GPR132: variants seen among roughly 807,000 people sequenced by gnomAD.
GPR132 encodes G protein-coupled receptor 132, also known as probable G protein-coupled receptor 132.
GPR132 carries 4 observed loss-of-function variants against 1.9 expected under a neutral mutation model. The observed-to-expected ratio is 2.13, with a 90% CI of 1.05 to 4.87. GPR132 has a LOEUF of 4.87. GPR132 is among the 30% of genes most tolerant of loss of function. GPR132 has a pLI of 0.01. For synonymous variants in GPR132, 233 were observed against 234.2 expected (o/e 0.99, Z 0.05); for missense variants, 404 against 512.5 (o/e 0.79, Z 2.04).
intron 1 of GPR132, among the ~76,000 whole-genome samples, chr14:105,061,118 C>T (rs755630227): frequency 6.6e-6 from 1 of 152,272 alleles, no homozygotes; most frequent in South Asian, 2.1e-4. Flanking sequence ...GCAGGAGGCC[C>T]GGTGGGAACA....
intron 3 of GPR132, among the ~76,000 whole-genome samples, chr14:105,053,112 T>G (rs1364669954): frequency 6.6e-6 from 1 of 150,996 alleles, no homozygotes; most frequent in African/African-American, 2.4e-5. Flanking sequence ...GCCCCATAGC[T>G]GGGCACTGCC....
At chr14:105,058,939 G>T (rs1173395371) in intron 1 of GPR132, among the ~76,000 whole-genome samples, 1 of 152,248 alleles carries the variant, frequency 6.6e-6, no homozygotes, top group Non-Finnish European at 1.5e-5. Context: ...AAGCCTGAGG[G>T]TCTCGCTCTG....
chr14:105,054,095 T>A, intron 3 of GPR132: 1 of 1,288,238 alleles, frequency 7.8e-7, no homozygotes, highest in African/African-American at 1.5e-5. Flanking sequence ...TTCTGGGCCT[T>A]CTGTGGTTAC....
At position 105,052,093 on chromosome 14, in the gene GPR132, G is replaced by T. The variant is rs755229734; in HGVS notation, c.44C>A (p.Thr15Asn). 1 of 1,567,046 alleles carries T rather than the reference G, an allele frequency of 6.4e-7. No homozygotes were observed. Among genetic ancestry groups the T allele is most frequent in the African/African-American group, 1.3e-5 (1 of 74,398 alleles). The stretch of plus-strand genomic sequence containing the variant: ...CCACGGGGCAGTGGTGGTCACTGGG[G>T]TGGCGTTTCCTGTGGGACAGAGACA... ...LLKNGYNGNA[T>N]PVTTTAPWAS... The change falls in exon 4 of 4, where the codon ACC becomes AAC. Residue 15 changes from threonine (T) to asparagine (N), a missense_variant. Physicochemically the swap from Thr to Asn is moderately conservative, Grantham distance 65. Coordinates refer to ENST00000329797, the MANE Select transcript of GPR132 (RefSeq NM_013345.4).
chr14:105,049,759 A>C lies in GPR132; in HGVS notation c.*1235T>G, dbSNP rs1382497776. ...GGTGCCACTGTTCTCCAGCCCAGGC[A>C]ACAGAGCAAGGCCCTGTCTCTAAAA... On this transcript the variant is annotated 3_prime_UTR_variant, in exon 4 of 4. Coordinates refer to ENST00000329797, the MANE Select transcript of GPR132 (RefSeq NM_013345.4). The C allele has an allele frequency of 6.6e-6, 1 of 152,298 alleles. No individual in the cohort carries two copies. The highest frequency in any genetic ancestry group is 2.4e-5 in the African/African-American group (1 of 41,440). 9.4% of individuals were successfully genotyped at this position (152,298 alleles called of 1,614,324 possible).
At position 105,059,772 on chromosome 14, in the gene GPR132, C is replaced by T. The variant is rs149775247; in HGVS notation, c.-860-2492G>A. Among the ~76,000 whole-genome samples the T allele has an allele frequency of 3.3e-5, 5 of 152,300 alleles. No homozygotes were observed. The East Asian group carries it at 9.7e-4, about 29-fold the overall frequency. On this transcript the variant is annotated intron_variant, in intron 1 of 3. Transcript: ENST00000329797. This position sits in a 1 kb window ranked among gnomAD's most constrained non-coding sequence, Gnocchi z 4.2. ...CTGAGGCTGTGTCACAGACGCGTGT[C>T]CTCAACTTTAGCAAATAAACCTCCT...
intron 1 of GPR132, among the ~76,000 whole-genome samples, chr14:105,062,422 C>T (rs1886967090): frequency 6.6e-6 from 1 of 152,240 alleles, no homozygotes; most frequent in South Asian, 2.1e-4. Flanking sequence ...AGCGTGTCAG[C>T]TCCGAGGCTG....
Position 105,050,944 on chromosome 14 carries a change from T to A in GPR132, c.*50A>T. 1 of 1,558,848 alleles carries A rather than the reference T, an allele frequency of 6.4e-7. No homozygotes were observed. The highest frequency in any genetic ancestry group is 1.1e-5 in the South Asian group (1 of 87,246). On this transcript the variant is annotated 3_prime_UTR_variant, in exon 4 of 4. Transcript: ENST00000329797. This position sits in a 1 kb window ranked among gnomAD's most constrained non-coding sequence, Gnocchi z 4.0. ...GTGGGCTCAGTGCACAGGAACCACATTGCTGGCCCCAGGACCCCCAACCTG... is the reference window on the plus strand; with the variant it reads ...GTGGGCTCAGTGCACAGGAACCACAATGCTGGCCCCAGGACCCCCAACCTG...
chr14:105,057,471 C>A, intron 1 of GPR132, 191 bp from the exon 2 acceptor site: 2 of 372,594 alleles, frequency 5.4e-6, no homozygotes, highest in African/African-American at 2.1e-5. Context: ...AGCCAACAGG[C>A]ATCAAAACGT....
chr14:105,064,420 G>A (rs947212677), intron 1 of GPR132, among the ~76,000 whole-genome samples: 1 of 151,542 alleles, frequency 6.6e-6, no homozygotes, highest in Non-Finnish European at 1.5e-5. Flanking sequence ...TGCAAGCTCC[G>A]CCTCTCAGGT....
At position 105,060,585 on chromosome 14, in the gene GPR132, G is replaced by A. The variant is rs1290709736; in HGVS notation, c.-860-3305C>T. Reference sequence around the variant, plus strand: ...CAAATTCTGAATAACACGAGGCAGGGACCTCTCCTGTCAAATGAGCAGGAG... The same window carrying A: ...CAAATTCTGAATAACACGAGGCAGGAACCTCTCCTGTCAAATGAGCAGGAG... On this transcript the variant is annotated intron_variant, in intron 1 of 3. Coordinates refer to ENST00000329797, the MANE Select transcript of GPR132 (RefSeq NM_013345.4). The surrounding 1 kb of genome is among the most constrained non-coding windows in gnomAD (Gnocchi z 6.3). 1.3e-5 allele frequency among the ~76,000 whole-genome samples: 2 copies of A among 152,216 alleles called. No individual in the cohort carries two copies. Among genetic ancestry groups the A allele is most frequent in the African/African-American group, 4.8e-5 (2 of 41,468 alleles).
chr14:105,060,407 C>T lies in GPR132; in HGVS notation c.-860-3127G>A, dbSNP rs1040648313. Among the ~76,000 whole-genome samples the T allele has an allele frequency of 2.1e-4, 32 of 152,302 alleles. No individual in the cohort carries two copies. The highest frequency in any genetic ancestry group is 2.0e-3 in the Admixed American group (30 of 15,306). On this transcript the variant is annotated intron_variant, in intron 1 of 3. Coordinates refer to ENST00000329797, the MANE Select transcript of GPR132 (RefSeq NM_013345.4). The surrounding 1 kb of genome is among the most constrained non-coding windows in gnomAD (Gnocchi z 6.3). ...CCACCTGAGACCAGTCCTGTTCCTT[C>T]TGAGCCCCGGGGGTGTGGGGGGCCC...
intron 3 of GPR132, chr14:105,053,933 C>G (rs1886716677): frequency 6.0e-6 from 7 of 1,163,456 alleles, no homozygotes; most frequent in Non-Finnish European, 7.6e-6. Flanking sequence ...AGCAACCTGC[C>G]TCAAACACAG....
intron 1 of GPR132, among the ~76,000 whole-genome samples, chr14:105,064,391 T>C (rs1887028833): frequency 6.6e-6 from 1 of 152,022 alleles, no homozygotes; most frequent in Non-Finnish European, 1.5e-5. Context: ...TAGAGTGCAA[T>C]GGCGCGATCT....
chr14:105,053,387 C>T (rs868416110), intron 3 of GPR132, among the ~76,000 whole-genome samples: 18 of 152,006 alleles, frequency 1.2e-4, no homozygotes, highest in Admixed American at 6.6e-4. Flanking sequence ...CTTGAACTCC[C>T]GACCTCAGGT....
At chr14:105,058,679 G>A (rs752675343) in intron 1 of GPR132, among the ~76,000 whole-genome samples, 1 of 152,228 alleles carries the variant, frequency 6.6e-6, no homozygotes, top group Non-Finnish European at 1.5e-5. Flanking sequence ...ACGTGCACAT[G>A]GCCTGGAAGC....
At position 105,055,222 on chromosome 14, in the gene GPR132, G is replaced by C. The variant is rs1401795852; in HGVS notation, c.34+165C>G. Among the ~76,000 whole-genome samples the C allele has an allele frequency of 6.6e-6, 1 of 151,774 alleles. No homozygotes were observed. Among genetic ancestry groups the C allele is most frequent in the Non-Finnish European group, 1.5e-5 (1 of 67,976 alleles). ...GGCACCTGTAATCCCAGCTACTTGG[G>C]AGGCTGATGCAGGAGAATCCCTTGA... On this transcript the variant is annotated intron_variant, in intron 3 of 3. Transcript: ENST00000329797. This position sits in a 1 kb window ranked among gnomAD's most constrained non-coding sequence, Gnocchi z 4.7.
rs983452690 is a variant in GPR132, at chr14:105,056,158, C to T, written c.-738G>A. ...GGGTGAGTGTCGTGTCCCTTGCTCA[C>T]CTTCCTCCCTGGGCAGAGGGAGAGA... On this transcript the variant is annotated 5_prime_UTR_variant, in exon 3 of 4. In the 5' UTR this introduces an upstream ATG that the reference lacks. Coordinates refer to ENST00000329797, the MANE Select transcript of GPR132 (RefSeq NM_013345.4). The surrounding 1 kb of genome is among the most constrained non-coding windows in gnomAD (Gnocchi z 6.0). 5.1e-6 allele frequency: 5 copies of T among 986,346 alleles called. No homozygotes were observed. The highest frequency in any genetic ancestry group is 1.7e-5 in the African/African-American group (1 of 57,382). 61.1% of individuals were successfully genotyped at this position (986,346 alleles called of 1,614,324 possible).
Position 105,057,157 on chromosome 14 carries a change from G to T in GPR132, c.-747+10C>A, listed in dbSNP as rs937184270. 2.0e-6 allele frequency: 3 copies of T among 1,531,410 alleles called. No individual in the cohort carries two copies. Among genetic ancestry groups the T allele is most frequent in the Non-Finnish European group, 2.6e-6 (3 of 1,142,678 alleles). The allele number at this position is 1,531,410 out of a possible 1,614,324, so 94.9% of individuals were successfully genotyped here. ...TCTTACATGTTCAAAGTCGGAGAAG[G>T]CTCTCTCACCTGGCATATTTTGCGG... On this transcript the variant is annotated intron_variant, in intron 2 of 3. Transcript: ENST00000329797.
Sources: allele counts gnomAD v4.1 joint callset (sites outside exome capture counted in the v4.1 genomes callset), GRCh38; gene constraint gnomAD v4.1.1; non-coding constraint Gnocchi (gnomAD v3.1); transcripts MANE v1.5; gene names NCBI Gene and HGNC (gene_info 2026-07-23, HGNC 2026-07-21).